Variants in PRKD1 observed in about 807,000 individuals in gnomAD.
PRKD1 encodes serine/threonine-protein kinase D1.
PRKD1 carries 63 observed loss-of-function variants against 95.9 expected under a neutral mutation model. The ratio of observed to expected loss-of-function variants is 0.66; its 90% confidence interval spans 0.54 to 0.81. PRKD1 has a LOEUF of 0.81. PRKD1 is among the 30% of genes least tolerant of loss of function. The probability of loss-of-function intolerance (pLI) is 0.00; values close to 1 mark genes in which losing one functional copy is unlikely to be tolerated. For synonymous variants in PRKD1, 425 were observed against 423.1 expected (o/e 1.00, Z -0.05); for missense variants, 1,048 against 1,165.3 (o/e 0.90, Z 1.47).
chr14:29,822,430 A>C (rs1265080188), intron 1 of PRKD1, among the ~76,000 whole-genome samples: 2 of 152,202 alleles, frequency 1.3e-5, no homozygotes, highest in Non-Finnish European at 2.9e-5. Flanking sequence ...TCAGCAAATA[A>C]AGGCTCAGAT....
intron 2 of PRKD1, among the ~76,000 whole-genome samples, chr14:29,706,326 G>T (rs1428644396): frequency 6.6e-6 from 1 of 152,030 alleles, no homozygotes; most frequent in Admixed American, 6.6e-5. Flanking sequence ...GAATTTCAAT[G>T]GAAATTCAAT....
chr14:29,703,086 C>T (rs1884918457), intron 2 of PRKD1, among the ~76,000 whole-genome samples: 1 of 151,660 alleles, frequency 6.6e-6, no homozygotes, highest in African/African-American at 2.4e-5. Context: ...GATTTTTTTT[C>T]CCCATAGGTT....
chr14:29,787,604 T>C (rs1186349022), intron 1 of PRKD1, among the ~76,000 whole-genome samples: 1 of 152,124 alleles, frequency 6.6e-6, no homozygotes, highest in Admixed American at 6.5e-5. Context: ...TCTTTTTATA[T>C]ATTTTTAACT....
chr14:29,725,302 G>C (rs912656813), intron 2 of PRKD1, among the ~76,000 whole-genome samples: 8 of 152,136 alleles, frequency 5.3e-5, no homozygotes, highest in Non-Finnish European at 1.0e-4. Flanking sequence ...GCTGAGAGGG[G>C]GCTGGGAGGA....
At chr14:29,895,414 T>C (rs760978731) in intron 1 of PRKD1, among the ~76,000 whole-genome samples, 24 of 152,102 alleles carry the variant, frequency 1.6e-4, no homozygotes, top group Admixed American at 5.2e-4. Context: ...CCCCATCATC[T>C]CTTAATTAAA....
chr14:29,870,261 T>A (rs923255542), intron 1 of PRKD1, among the ~76,000 whole-genome samples: 5 of 152,204 alleles, frequency 3.3e-5, no homozygotes, highest in African/African-American at 1.2e-4. Context: ...CACAGTTGCA[T>A]CTTGTTTTGA....
At chr14:29,651,583 T>C (rs1406214818) in intron 4 of PRKD1, among the ~76,000 whole-genome samples, 1 of 152,006 alleles carries the variant, frequency 6.6e-6, no homozygotes, top group Admixed American at 6.6e-5. Context: ...GTCTAATTTA[T>C]AGTACCAATT....
intron 4 of PRKD1, among the ~76,000 whole-genome samples, chr14:29,663,241 A>T (rs1032038859): frequency 1.3e-5 from 2 of 150,796 alleles, no homozygotes; most frequent in Non-Finnish European, 3.0e-5. Flanking sequence ...TCAGTTTTTG[A>T]CAATAAGCTG....
At chr14:29,767,409 T>C (rs532564209) in intron 1 of PRKD1, among the ~76,000 whole-genome samples, 21 of 152,284 alleles carry the variant, frequency 1.4e-4, no homozygotes, top group African/African-American at 2.2e-4. Context: ...TGCTTATAAA[T>C]AGTGTCAGTT....
chr14:29,646,557 A>G (rs1356275479), intron 4 of PRKD1, among the ~76,000 whole-genome samples: 1 of 151,954 alleles, frequency 6.6e-6, no homozygotes, highest in Non-Finnish European at 1.5e-5. Flanking sequence ...AGATAGATAG[A>G]TAGATAGATA....
intron 1 of PRKD1, among the ~76,000 whole-genome samples, chr14:29,887,275 T>C (rs1175664920): frequency 6.6e-6 from 1 of 152,214 alleles, no homozygotes; most frequent in African/African-American, 2.4e-5. Flanking sequence ...TCTTTTCCTC[T>C]GGCACAAAGA....
chr14:29,728,083 C>T (rs1022558907), intron 1 of PRKD1, among the ~76,000 whole-genome samples: 6 of 151,788 alleles, frequency 4.0e-5, no homozygotes, highest in Non-Finnish European at 8.8e-5. Context: ...GTGGGTGCAG[C>T]GCACCAGCAT....
chr14:29,741,588 T>C (rs1425677317), intron 1 of PRKD1, among the ~76,000 whole-genome samples: 1 of 152,086 alleles, frequency 6.6e-6, no homozygotes, highest in African/African-American at 2.4e-5. Flanking sequence ...GGCCACTCTG[T>C]TCTAGTTAAA....
At chr14:29,744,083 G>A (rs944958138) in intron 1 of PRKD1, among the ~76,000 whole-genome samples, 2 of 152,018 alleles carry the variant, frequency 1.3e-5, no homozygotes, top group East Asian at 1.9e-4. Context: ...TTTAAATATC[G>A]TTTATACTCG....
At chr14:29,744,367 T>C (rs1464081824) in intron 1 of PRKD1, among the ~76,000 whole-genome samples, 1 of 152,152 alleles carries the variant, frequency 6.6e-6, no homozygotes, top group Non-Finnish European at 1.5e-5. Context: ...CAACAGATCT[T>C]GTTGCCTGTA....
chr14:29,924,059 A>T (rs905081019), intron 1 of PRKD1, among the ~76,000 whole-genome samples: 2 of 152,206 alleles, frequency 1.3e-5, no homozygotes, highest in Non-Finnish European at 2.9e-5. Flanking sequence ...AACAGAATAC[A>T]TATCTTTATA....
intron 2 of PRKD1, among the ~76,000 whole-genome samples, chr14:29,667,189 A>C (rs754266743): frequency 7.9e-5 from 12 of 152,066 alleles, no homozygotes; most frequent in Non-Finnish European, 1.6e-4. Context: ...CAGGCAGAAG[A>C]CCTGGGGGAA....
At chr14:29,821,724 G>A (rs1890919197) in intron 1 of PRKD1, among the ~76,000 whole-genome samples, 1 of 151,986 alleles carries the variant, frequency 6.6e-6, no homozygotes, top group African/African-American at 2.4e-5. Flanking sequence ...ATTACTGATG[G>A]GCAAAATATC....
intron 1 of PRKD1, among the ~76,000 whole-genome samples, chr14:29,828,839 G>GT (rs1426564593): frequency 2.6e-5 from 4 of 152,170 alleles, no homozygotes; most frequent in Non-Finnish European, 5.9e-5. Context: ...GGTGAGGTTT[G>GT]TATCACTTTC....
Sources: allele counts gnomAD v4.1 joint callset (sites outside exome capture counted in the v4.1 genomes callset), GRCh38; gene constraint gnomAD v4.1.1; transcripts MANE v1.5; gene names NCBI Gene and HGNC (gene_info 2026-07-23, HGNC 2026-07-21).